The following SPATA13 variants were observed in gnomAD, a reference collection of about 807,000 sequenced individuals.
The protein encoded by SPATA13 is spermatogenesis associated 13.
In SPATA13, 50 loss-of-function variants were observed where a neutral mutation model predicts 104.0. That is an observed-to-expected ratio of 0.48 (90% CI 0.38 to 0.61). The LOEUF (loss-of-function observed/expected upper bound fraction) is 0.61. Ranked by LOEUF, SPATA13 falls within the 20% of genes least tolerant of loss-of-function variation. The probability of loss-of-function intolerance (pLI) is 0.00; values close to 1 mark genes in which losing one functional copy is unlikely to be tolerated. For synonymous variants in SPATA13, 606 were observed against 667.5 expected, an observed-to-expected ratio of 0.91 and a Z score of 1.42; for missense variants, 1,524 against 1,690.6, an observed-to-expected ratio of 0.90 and a Z score of 1.73.
chr13:23,995,972 A>T (rs724932), intron 2 of SPATA13, among the ~76,000 whole-genome samples: 35,670 of 152,038 alleles, frequency 0.23, 4,514 homozygotes, highest in Admixed American at 0.33. Flanking sequence ...AGCTAGAGAG[A>T]CAACCGAGCA....
chr13:24,028,196 A>G (rs185373835), intron 3 of SPATA13, among the ~76,000 whole-genome samples: 1 of 152,284 alleles, frequency 6.6e-6, no homozygotes, highest in Admixed American at 6.5e-5. Context: ...GCTTGTTCAG[A>G]TACACACACA....
At chr13:24,098,802 A>C (rs1465894435) in intron 3 of SPATA13, among the ~76,000 whole-genome samples, 1 of 149,634 alleles carries the variant, frequency 6.7e-6, no homozygotes, top group Non-Finnish European at 1.5e-5. Context: ...TGGTGCGTGC[A>C]TGTAGTCCTA....
Position 24,252,012 on chromosome 13 carries a change from T to C in SPATA13, c.2164+150T>C, listed in dbSNP as rs187216584. On this transcript the variant is annotated intron_variant, in intron 4 of 12. Transcript: ENST00000382108. ...GTGAGGACGGCTCATCTCAGGAGAA[T>C]GGTGCATCATTTGCTGTCTGGGGTA... 1.3e-5 allele frequency: 13 copies of C among 1,017,330 alleles called. No homozygotes were observed. In the African/African-American group the frequency reaches 1.3e-4, roughly 10 times the overall value. 63.0% of individuals were successfully genotyped at this position (1,017,330 alleles called of 1,614,324 possible). A position where few individuals can be genotyped will look rare whatever the true frequency, so the allele number is the denominator to read the frequency against.
chr13:24,016,191 A>G (rs1054234214), intron 2 of SPATA13, among the ~76,000 whole-genome samples: 1 of 151,332 alleles, frequency 6.6e-6, no homozygotes, highest in Non-Finnish European at 1.5e-5. Flanking sequence ...CTTCAACCCC[A>G]CTCCTGGCTC....
chr13:24,203,390 T>C (rs1438106118), intron 1 of SPATA13, among the ~76,000 whole-genome samples: 1 of 152,184 alleles, frequency 6.6e-6, no homozygotes, highest in East Asian at 1.9e-4. Context: ...AGCTTTTTCC[T>C]AAACTTGATC....
chr13:24,171,476 C>T (rs904408928), intron 1 of SPATA13, among the ~76,000 whole-genome samples: 21 of 152,196 alleles, frequency 1.4e-4, no homozygotes, highest in African/African-American at 4.3e-4. Context: ...TTCTCTCCCA[C>T]CTACAGTGTC....
chr13:24,064,754 T>C (rs1878889435), intron 3 of SPATA13, among the ~76,000 whole-genome samples: 1 of 152,204 alleles, frequency 6.6e-6, no homozygotes, highest in Non-Finnish European at 1.5e-5. Context: ...GGGTGCCTTC[T>C]TAATCAGCGA....
intron 2 of SPATA13, among the ~76,000 whole-genome samples, chr13:23,998,295 G>A (rs1875787329): frequency 6.6e-6 from 1 of 152,168 alleles, no homozygotes; most frequent in South Asian, 2.1e-4. Context: ...TGGTATCTTG[G>A]AGTAGTTTTA....
At chr13:24,279,016 T>C in intron 4 of SPATA13, among the ~76,000 whole-genome samples, 1 of 138,322 alleles carries the variant, frequency 7.2e-6, no homozygotes, top group African/African-American at 2.7e-5. Flanking sequence ...CTTCCCTGCC[T>C]CCCATGTATG....
intron 3 of SPATA13, among the ~76,000 whole-genome samples, chr13:24,058,078 C>T (rs1293626423): frequency 6.6e-6 from 1 of 151,786 alleles, no homozygotes; most frequent in Non-Finnish European, 1.5e-5. Context: ...ATGCTGTGGC[C>T]CCACACCTGA....
chr13:24,043,942 G>GT (rs1206982169), intron 3 of SPATA13, among the ~76,000 whole-genome samples: 2 of 152,214 alleles, frequency 1.3e-5, no homozygotes, highest in Admixed American at 1.3e-4. Flanking sequence ...AGTGGGGTTA[G>GT]TTTTTTTCCA....
chr13:24,232,867 TAA>T (rs1438719248), intron 2 of SPATA13, among the ~76,000 whole-genome samples: 3 of 152,220 alleles, frequency 2.0e-5, no homozygotes, highest in African/African-American at 7.2e-5. Context: ...TAATATTTTT[TAA>T]AGAGTCAAAA....
At chr13:24,143,125 T>G (rs1881815615) in intron 3 of SPATA13, among the ~76,000 whole-genome samples, 1 of 152,214 alleles carries the variant, frequency 6.6e-6, no homozygotes, top group African/African-American at 2.4e-5. Context: ...TCATCTTCAG[T>G]CTCCATCCAC....
At chr13:24,288,433 T>G (rs538638032) in intron 7 of SPATA13, among the ~76,000 whole-genome samples, 17 of 152,244 alleles carry the variant, frequency 1.1e-4, no homozygotes, top group Non-Finnish European at 2.4e-4. Context: ...CCTTTTCTTC[T>G]TATCCCACTA....
chr13:24,056,241 G>A (rs540403260), intron 3 of SPATA13, among the ~76,000 whole-genome samples: 14 of 152,284 alleles, frequency 9.2e-5, no homozygotes, highest in African/African-American at 3.4e-4. Flanking sequence ...AGAACAAAGT[G>A]TCCAGAACAG....
intron 3 of SPATA13, among the ~76,000 whole-genome samples, chr13:24,136,368 C>T (rs1391014540): frequency 6.6e-6 from 1 of 151,956 alleles, no homozygotes; most frequent in African/African-American, 2.4e-5. Context: ...CCCAGCTACT[C>T]GGGAGGCTGG....
chr13:24,176,440 T>G (rs1165520318), intron 1 of SPATA13, among the ~76,000 whole-genome samples: 3 of 152,200 alleles, frequency 2.0e-5, no homozygotes, highest in Non-Finnish European at 4.4e-5. Flanking sequence ...TACAGCCAAA[T>G]AAATCATAGT....
intron 2 of SPATA13, among the ~76,000 whole-genome samples, chr13:24,003,000 T>C (rs1876051760): frequency 6.6e-6 from 1 of 152,240 alleles, no homozygotes; most frequent in African/African-American, 2.4e-5. Flanking sequence ...GTTCTTCTTC[T>C]GTTAATTCTC....
At chr13:24,009,441 C>G (rs945646682) in intron 2 of SPATA13, among the ~76,000 whole-genome samples, 10 of 152,170 alleles carry the variant, frequency 6.6e-5, no homozygotes, top group East Asian at 3.9e-4. Flanking sequence ...AACATGTGCC[C>G]TAGGTGGTTG....
Sources: gnomAD v4.1 joint callset for allele counts (sites outside exome capture counted in the v4.1 genomes callset) on GRCh38, gnomAD v4.1.1 for gene constraint, MANE v1.5 for transcripts, NCBI Gene and HGNC (gene_info 2026-07-23, HGNC 2026-07-21) for gene names.